The following RBMS3 variants were observed in gnomAD, a reference collection of about 807,000 sequenced individuals.
The protein encoded by RBMS3 is RNA binding motif single stranded interacting protein 3, also known as RNA-binding motif, single-stranded-interacting protein 3.
Under a neutral mutation model 66.8 loss-of-function variants are expected in RBMS3, and 27 were observed. The observed-to-expected ratio is 0.40, with a 90% confidence interval of 0.30 to 0.56. The LOEUF is 0.56. RBMS3 is among the 20% of genes least tolerant of loss of function. RBMS3 has a pLI of 0.40. For synonymous variants in RBMS3, 188 were observed against 183.0 expected, an observed-to-expected ratio of 1.03 and a Z score of -0.22; for missense variants, 513 against 549.5, an observed-to-expected ratio of 0.93 and a Z score of 0.66.
intron 1 of RBMS3, among the ~76,000 whole-genome samples, chr3:29,338,703 T>TCTCCTCTCCTCTCCTC (rs1473350589): frequency 7.3e-5 from 4 of 54,922 alleles, no homozygotes; most frequent in East Asian, 9.5e-4. Flanking sequence ...CTCCTCCTCC[T>TCTCCTCTCCTCTCCTC]CTCCTCTCCT....
At chr3:29,721,349 A>G (rs1428348390) in intron 4 of RBMS3, among the ~76,000 whole-genome samples, 2 of 152,112 alleles carry the variant, frequency 1.3e-5, no homozygotes, top group Admixed American at 1.3e-4. Context: ...TGGTGATGTA[A>G]TAACTATATA....
intron 4 of RBMS3, among the ~76,000 whole-genome samples, chr3:29,650,076 G>A (rs1386732661): frequency 3.3e-5 from 5 of 152,002 alleles, no homozygotes; most frequent in Admixed American, 1.3e-4. Flanking sequence ...AGAGAAGAGT[G>A]GTTTACATTG....
chr3:29,494,185 G>A (rs1441383691), intron 3 of RBMS3, among the ~76,000 whole-genome samples: 1 of 152,070 alleles, frequency 6.6e-6, no homozygotes, highest in Non-Finnish European at 1.5e-5. Flanking sequence ...AAAAAGAAAA[G>A]GTATAAAAAT....
chr3:29,920,144 C>A (rs1038218936), intron 10 of RBMS3, among the ~76,000 whole-genome samples: 1 of 151,920 alleles, frequency 6.6e-6, no homozygotes, highest in Non-Finnish European at 1.5e-5. Context: ...TGAAAATTAG[C>A]CACATGGGGT....
chr3:29,546,354 G>A (rs892705222), intron 3 of RBMS3, among the ~76,000 whole-genome samples: 14 of 152,066 alleles, frequency 9.2e-5, no homozygotes, highest in South Asian at 2.1e-4. Flanking sequence ...GGATTCAAGC[G>A]CCTGTAGGTT....
chr3:29,405,600 A>G (rs990939927), intron 1 of RBMS3, among the ~76,000 whole-genome samples: 3 of 152,140 alleles, frequency 2.0e-5, no homozygotes, highest in Non-Finnish European at 4.4e-5. Flanking sequence ...GAGAATATGT[A>G]CTAATCAGGT....
chr3:29,471,724 T>G (rs2042735460), intron 2 of RBMS3, among the ~76,000 whole-genome samples: 1 of 150,844 alleles, frequency 6.6e-6, no homozygotes, highest in South Asian at 2.1e-4. Context: ...CTTAGTTTTT[T>G]TTTTTTTTTT....
At chr3:29,413,163 A>C (rs1440653004) in intron 1 of RBMS3, among the ~76,000 whole-genome samples, 1 of 152,080 alleles carries the variant, frequency 6.6e-6, no homozygotes, top group East Asian at 1.9e-4. Context: ...TAGGTCAGGA[A>C]TTCGAGACCA....
At chr3:29,499,137 CTG>C (rs1559413852) in intron 3 of RBMS3, among the ~76,000 whole-genome samples, 1 of 152,034 alleles carries the variant, frequency 6.6e-6, no homozygotes. Context: ...GCTATTCACT[CTG>C]TAATATTGTT....
chr3:29,975,661 GTC>G (rs1697536485), intron 12 of RBMS3, among the ~76,000 whole-genome samples: 1 of 151,770 alleles, frequency 6.6e-6, no homozygotes, highest in Non-Finnish European at 1.5e-5. Context: ...ATCCCTTGTA[GTC>G]TCTCTATTCT....
At chr3:29,435,244 A>T (rs2041356683) in intron 2 of RBMS3, among the ~76,000 whole-genome samples, 1 of 152,202 alleles carries the variant, frequency 6.6e-6, no homozygotes, top group African/African-American at 2.4e-5. Context: ...AGTCTCATGA[A>T]ATAAACGATT....
intron 6 of RBMS3, among the ~76,000 whole-genome samples, chr3:29,866,567 G>T (rs1309070733): frequency 6.6e-6 from 1 of 152,152 alleles, no homozygotes; most frequent in Non-Finnish European, 1.5e-5. Flanking sequence ...TCTTTAAAAT[G>T]GCAAGAGAGA....
At chr3:29,668,814 C>T (rs1460739035) in intron 4 of RBMS3, among the ~76,000 whole-genome samples, 2 of 152,144 alleles carry the variant, frequency 1.3e-5, no homozygotes, top group African/African-American at 4.8e-5. Context: ...TAATACTTTT[C>T]AGTTATATAA....
intron 4 of RBMS3, among the ~76,000 whole-genome samples, chr3:29,721,004 G>A (rs2053620558): frequency 6.6e-6 from 1 of 152,136 alleles, no homozygotes; most frequent in African/African-American, 2.4e-5. Context: ...GAATCTGAAT[G>A]TCATGTGGCA....
intron 6 of RBMS3, among the ~76,000 whole-genome samples, chr3:29,820,099 A>G (rs1001382760): frequency 6.7e-6 from 1 of 149,990 alleles, no homozygotes; most frequent in Admixed American, 6.7e-5. Context: ...GGATGCTGAG[A>G]CATCGCTTGA....
At chr3:29,474,355 A>G (rs1010507534) in intron 2 of RBMS3, among the ~76,000 whole-genome samples, 3 of 152,224 alleles carry the variant, frequency 2.0e-5, no homozygotes, top group African/African-American at 7.2e-5. Context: ...GGTAGTTTCC[A>G]GTTTTAGGCT....
intron 6 of RBMS3, among the ~76,000 whole-genome samples, chr3:29,835,896 A>G (rs10446421): frequency 0.057 from 8,675 of 151,996 alleles, 361 homozygotes; most frequent in Admixed American, 0.097. Flanking sequence ...AAGGAAAAAA[A>G]TACAGATTTA....
chr3:29,530,062 C>A lies in RBMS3; in HGVS notation c.307+41563C>A, dbSNP rs551407174. Reference sequence around the variant, plus strand: ...TGTCCTCTTGAGATTTGCATTCCCTCTGCTAGGCATCCCCTGCCGTACACA... The same window carrying A: ...TGTCCTCTTGAGATTTGCATTCCCTATGCTAGGCATCCCCTGCCGTACACA... On this transcript the variant is annotated intron_variant, in intron 3 of 14. Coordinates refer to ENST00000383767, the MANE Select transcript of RBMS3 (RefSeq NM_001003793.3). Among the ~76,000 whole-genome samples the A allele has an allele frequency of 3.9e-5, 6 of 152,314 alleles. No homozygotes were observed. The East Asian group carries it at 1.2e-3, about 29-fold the overall frequency.
At chr3:29,646,009 G>A (rs958906655) in intron 4 of RBMS3, among the ~76,000 whole-genome samples, 1 of 152,134 alleles carries the variant, frequency 6.6e-6, no homozygotes, top group African/African-American at 2.4e-5. Flanking sequence ...TTATGCATTG[G>A]TATTTTATAT....
Sources: gnomAD v4.1 joint callset for allele counts (sites outside exome capture counted in the v4.1 genomes callset) on GRCh38, gnomAD v4.1.1 for gene constraint, MANE v1.5 for transcripts, NCBI Gene and HGNC (gene_info 2026-07-23, HGNC 2026-07-21) for gene names.